Variants in SLC36A1 observed in about 807,000 individuals in gnomAD.
The protein encoded by SLC36A1 is solute carrier family 36 member 1.
Under a neutral mutation model 47.5 loss-of-function variants are expected in SLC36A1, and 30 were observed. The observed-to-expected ratio is 0.63, with a 90% CI of 0.47 to 0.86. The LOEUF (loss-of-function observed/expected upper bound fraction) is 0.86, where lower values mean the gene tolerates loss of function less well. SLC36A1 is among the 40% of genes least tolerant of loss of function. The pLI, the probability that SLC36A1 is intolerant of heterozygous loss-of-function variation, is 0.00. For missense variants in SLC36A1, 517 were observed against 606.0 expected, an observed-to-expected ratio of 0.85 and a Z score of 1.54; for synonymous variants, 255 against 249.7, an observed-to-expected ratio of 1.02 and a Z score of -0.20.
At chr5:151,426,554 C>T in the SLC36A1 span, among the ~76,000 whole-genome samples, 5 of 152,144 alleles carry the variant, frequency 3.3e-5, no homozygotes, top group African/African-American at 9.7e-5. Flanking sequence ...CATGTCTCAC[C>T]TCCAGCCATA....
At chr5:151,498,007 G>A in the SLC36A1 span, among the ~76,000 whole-genome samples, 2 of 151,060 alleles carry the variant, frequency 1.3e-5, no homozygotes, top group South Asian at 4.2e-4. Context: ...GTACAATGGT[G>A]CAATCTTGGC....
chr5:151,365,579 C>G, the SLC36A1 span, among the ~76,000 whole-genome samples: 15 of 152,284 alleles, frequency 9.9e-5, no homozygotes, highest in East Asian at 2.9e-3. Flanking sequence ...CATTTTACAG[C>G]TAGGGAAACT....
At position 151,492,156 on chromosome 5, in the gene SLC36A1, G is replaced by A. The variant is rs142240995; in HGVS notation, c.*3902G>A. On this transcript the variant is annotated 3_prime_UTR_variant, in exon 11 of 11. Coordinates refer to ENST00000243389, the MANE Select transcript of SLC36A1 (RefSeq NM_078483.4). ...GGATAATAAAATTGGTAACTCTATT[G>A]TAAAACATGTCAATGGTGTGTGAAG... The A allele has an allele frequency of 1.3e-5, 2 of 152,156 alleles. No individual in the cohort carries two copies. The highest frequency in any genetic ancestry group is 2.9e-5 in the Non-Finnish European group (2 of 68,028). The allele number at this position is 152,156 out of a possible 1,614,324, so 9.4% of individuals were successfully genotyped here. A position where few individuals can be genotyped will look rare whatever the true frequency, so the allele number is the denominator to read the frequency against.
At chr5:151,538,094 CAG>C in the SLC36A1 span, 180 of 590,596 alleles carry the variant, frequency 3.0e-4, 2 homozygotes, top group African/African-American at 6.3e-4. Context: ...AGAACAGAGA[CAG>C]AGAGAGAGAA....
the SLC36A1 span, among the ~76,000 whole-genome samples, chr5:151,515,392 G>A: frequency 6.6e-6 from 1 of 152,104 alleles, no homozygotes; most frequent in Non-Finnish European, 1.5e-5. Context: ...ATGGCTTTCA[G>A]TACCACGTAT....
the SLC36A1 span, among the ~76,000 whole-genome samples, chr5:151,533,393 A>AAC: frequency 0.13 from 16,762 of 132,000 alleles, 1,103 homozygotes; most frequent in Admixed American, 0.22. Context: ...TGTTATCTCC[A>AAC]ACACACACAC....
the SLC36A1 span, chr5:151,512,030 T>TG: frequency 2.0e-5 from 15 of 744,142 alleles, 1 homozygote; most frequent in South Asian, 2.8e-4. The surrounding 1 kb of genome is among the most constrained non-coding windows in gnomAD (Gnocchi z 4.1). Flanking sequence ...GATTCCAACC[T>TG]GTTACTCACA....
intron 5 of SLC36A1, among the ~76,000 whole-genome samples, chr5:151,465,639 G>A (rs953743908): frequency 1.3e-5 from 2 of 152,158 alleles, no homozygotes; most frequent in Admixed American, 6.5e-5. Flanking sequence ...GAGACCAGTA[G>A]TGGGAGACAC....
At chr5:151,349,137 C>T in the SLC36A1 span, among the ~76,000 whole-genome samples, 1 of 152,158 alleles carries the variant, frequency 6.6e-6, no homozygotes, top group East Asian at 1.9e-4. Flanking sequence ...GCTCTGTGTT[C>T]CTGCTCGAGC....
the SLC36A1 span, among the ~76,000 whole-genome samples, chr5:151,395,079 G>A: frequency 6.6e-6 from 1 of 152,216 alleles, no homozygotes; most frequent in Non-Finnish European, 1.5e-5. Flanking sequence ...TGGCCGCTTT[G>A]TTTACCTACT....
chr5:151,452,764 G>A (rs536100550), intron 1 of SLC36A1, among the ~76,000 whole-genome samples: 1 of 152,002 alleles, frequency 6.6e-6, no homozygotes, highest in Non-Finnish European at 1.5e-5. Flanking sequence ...CAGCCACTCG[G>A]GAGGCTGAGG....
At chr5:151,538,526 G>C in the SLC36A1 span, among the ~76,000 whole-genome samples, 1 of 151,990 alleles carries the variant, frequency 6.6e-6, no homozygotes, top group East Asian at 1.9e-4. Flanking sequence ...ATCTGAGGGA[G>C]TGGCAGAGGG....
At chr5:151,545,206 CA>C in the SLC36A1 span, 1 of 1,614,154 alleles carries the variant, frequency 6.2e-7, no homozygotes, top group Non-Finnish European at 8.5e-7. Context: ...CACAGCTGCC[CA>C]GTAGACATCC....
the SLC36A1 span, among the ~76,000 whole-genome samples, chr5:151,411,668 CT>C: frequency 1.4e-5 from 2 of 144,744 alleles, no homozygotes; most frequent in African/African-American, 2.5e-5. Flanking sequence ...CCTCAGGATC[CT>C]TTTAGGGCTT....
chr5:151,542,303 C>T, the SLC36A1 span: 2 of 1,602,256 alleles, frequency 1.2e-6, no homozygotes, highest in Non-Finnish European at 1.7e-6. Flanking sequence ...TAGCAGGTGA[C>T]CTGCCTGTTC....
chr5:151,460,322 G>T (rs1755331491), intron 2 of SLC36A1, among the ~76,000 whole-genome samples: 1 of 152,174 alleles, frequency 6.6e-6, no homozygotes, highest in Admixed American at 6.5e-5. Context: ...AGCAGATGAG[G>T]TCTGGATTTT....
intron 1 of SLC36A1, among the ~76,000 whole-genome samples, chr5:151,438,469 C>A (rs1277603641): frequency 1.3e-5 from 2 of 151,954 alleles, no homozygotes; most frequent in Non-Finnish European, 2.9e-5. Context: ...CCCTATAACT[C>A]ATTCATGGTA....
rs373055649 is a variant in SLC36A1, at chr5:151,488,135, G to A, written c.1312G>A (p.Ala438Thr). Residue 438 changes from alanine to threonine, a missense_variant, in exon 11 of 11, where the codon GCC becomes ACC. Transcript: ENST00000243389. ...GMSPLTIFKD[A>T]LISILGFVGF... ...GAGCCCCCTCACCATCTTTAAGGAC[G>A]CCCTGATCAGCATCCTGGGCTTCGT... 40 of 1,614,156 alleles carry A rather than the reference G, an allele frequency of 2.5e-5. No homozygotes were observed. Among genetic ancestry groups the A allele is most frequent in the African/African-American group, 2.4e-4 (18 of 75,028 alleles).
chr5:151,356,395 A>G, the SLC36A1 span, among the ~76,000 whole-genome samples: 1 of 150,928 alleles, frequency 6.6e-6, no homozygotes, highest in Non-Finnish European at 1.5e-5. Context: ...GCTAGAAGAA[A>G]AGTGCTACGA....
Sources: gnomAD v4.1 joint callset for allele counts (sites outside exome capture counted in the v4.1 genomes callset) on GRCh38, gnomAD v4.1.1 for gene constraint, Gnocchi (gnomAD v3.1) non-coding constraint, MANE v1.5 for transcripts, NCBI Gene and HGNC (gene_info 2026-07-23, HGNC 2026-07-21) for gene names.